CDH13: variants seen among roughly 807,000 people sequenced by gnomAD.
CDH13 encodes the protein cadherin 13, also known as cadherin-13.
A neutral mutation model predicts 63.8 loss-of-function variants in CDH13; 24 were observed. The observed-to-expected ratio is 0.38, with a 90% CI of 0.27 to 0.53. The LOEUF (loss-of-function observed/expected upper bound fraction) is 0.53. CDH13 is among the 20% of genes least tolerant of loss of function. The probability of loss-of-function intolerance (pLI) is 0.85; values close to 1 mark genes in which losing one functional copy is unlikely to be tolerated. For synonymous variants in CDH13, 503 were observed against 355.3 expected (o/e 1.42, Z -4.67); for missense variants, 1,049 against 903.1 (o/e 1.16, Z -2.07).
intron 6 of CDH13, among the ~76,000 whole-genome samples, chr16:83,376,846 C>G (rs2091468760): frequency 6.6e-6 from 1 of 152,088 alleles, no homozygotes; most frequent in African/African-American, 2.4e-5. Context: ...TTCTTTGATC[C>G]AGGCCTTAAG....
intron 6 of CDH13, among the ~76,000 whole-genome samples, chr16:83,362,525 G>A (rs2091181664): frequency 6.6e-6 from 1 of 152,206 alleles, no homozygotes; most frequent in African/African-American, 2.4e-5. Context: ...GGAGACACCA[G>A]GATGAACACT....
chr16:83,492,321 C>G (rs1014154512), intron 7 of CDH13, among the ~76,000 whole-genome samples: 41 of 152,144 alleles, frequency 2.7e-4, no homozygotes, highest in African/African-American at 5.3e-4. Context: ...ATACTTTTCT[C>G]ATTATCATCA....
At chr16:83,703,887 C>G (rs754841955) in intron 10 of CDH13, among the ~76,000 whole-genome samples, 1 of 152,176 alleles carries the variant, frequency 6.6e-6, no homozygotes, top group Non-Finnish European at 1.5e-5. Flanking sequence ...GGTACACAAC[C>G]TTTTCAGCCA....
At chr16:83,707,431 T>C (rs1296464118) in intron 10 of CDH13, among the ~76,000 whole-genome samples, 2 of 152,220 alleles carry the variant, frequency 1.3e-5, no homozygotes, top group Non-Finnish European at 2.9e-5. Flanking sequence ...TCCTGTAACC[T>C]ATCTGCTCTC....
chr16:83,316,674 A>G (rs2090111734), intron 5 of CDH13, among the ~76,000 whole-genome samples: 1 of 152,206 alleles, frequency 6.6e-6, no homozygotes, highest in South Asian at 2.1e-4. Context: ...GTCTATGCAG[A>G]GTTTAATGTT....
At chr16:83,468,452 A>T (rs1232189607) in intron 6 of CDH13, among the ~76,000 whole-genome samples, 1 of 152,204 alleles carries the variant, frequency 6.6e-6, no homozygotes, top group Non-Finnish European at 1.5e-5. Flanking sequence ...AAGCCTTCAG[A>T]ACTGTGAGAG....
At chr16:83,751,480 T>C (rs1400617655) in intron 11 of CDH13, among the ~76,000 whole-genome samples, 6 of 151,902 alleles carry the variant, frequency 3.9e-5, no homozygotes, top group Non-Finnish European at 4.4e-5. Context: ...ATACATCCTA[T>C]AGCAGCATAG....
chr16:83,015,798 C>T (rs1009569727), intron 2 of CDH13, among the ~76,000 whole-genome samples: 2 of 147,254 alleles, frequency 1.4e-5, no homozygotes, highest in Admixed American at 6.8e-5. Flanking sequence ...CATTTCCAAA[C>T]ACATGGGGCT....
chr16:82,971,824 C>G (rs1908795683), intron 2 of CDH13, among the ~76,000 whole-genome samples: 1 of 152,142 alleles, frequency 6.6e-6, no homozygotes, highest in South Asian at 2.1e-4. Flanking sequence ...TTTTCCTGAT[C>G]CTATTTGAGG....
At chr16:83,250,586 A>AG (rs1905404764) in intron 5 of CDH13, among the ~76,000 whole-genome samples, 1 of 152,160 alleles carries the variant, frequency 6.6e-6, no homozygotes, top group South Asian at 2.1e-4. Flanking sequence ...CACCCAGTCG[A>AG]GGGAACAGTT....
At chr16:83,295,679 T>C (rs1427279659) in intron 5 of CDH13, among the ~76,000 whole-genome samples, 1 of 152,188 alleles carries the variant, frequency 6.6e-6, no homozygotes, top group Non-Finnish European at 1.5e-5. Context: ...ATATAAATGT[T>C]GGCAAGGATG....
intron 3 of CDH13, among the ~76,000 whole-genome samples, chr16:83,077,509 G>C (rs1335011641): frequency 6.6e-6 from 1 of 151,952 alleles, no homozygotes; most frequent in African/African-American, 2.4e-5. Context: ...AGATTTTTTA[G>C]ATTCATTCAT....
At chr16:82,907,736 C>T (rs547182801) in intron 2 of CDH13, among the ~76,000 whole-genome samples, 3 of 152,270 alleles carry the variant, frequency 2.0e-5, no homozygotes, top group South Asian at 4.1e-4. Context: ...GAAGGAGTCT[C>T]TCTTGCCAAG....
chr16:83,734,698 A>T (rs1022452544), intron 10 of CDH13, among the ~76,000 whole-genome samples: 1 of 148,896 alleles, frequency 6.7e-6, no homozygotes, highest in African/African-American at 2.5e-5. Context: ...TAACCTGCAC[A>T]TTGTGCACAT....
chr16:82,661,996 C>T (rs7190417), intron 1 of CDH13, among the ~76,000 whole-genome samples: 1,975 of 152,322 alleles, frequency 0.013, 47 homozygotes, highest in African/African-American at 0.045. Flanking sequence ...ATTTTAAGGG[C>T]TCCTTTGTCA....
chr16:83,085,133 T>G (rs1412482678), intron 3 of CDH13, among the ~76,000 whole-genome samples: 1 of 151,938 alleles, frequency 6.6e-6, no homozygotes, highest in Non-Finnish European at 1.5e-5. Flanking sequence ...GAGGTTTAAT[T>G]GGACTTACAG....
At chr16:83,672,509 C>T (rs916866149) in intron 9 of CDH13, among the ~76,000 whole-genome samples, 12 of 145,710 alleles carry the variant, frequency 8.2e-5, no homozygotes, top group Admixed American at 3.5e-4. Flanking sequence ...ACTGCAACCT[C>T]CACCTCCTGG....
rs74675757 is a variant in CDH13, at chr16:82,642,548, G to C, written c.45+15411G>C. ...CATTAGTTAAATGTGCATATGATGAGACTTGACTATATTCATTTAAGCCAC... is the reference window on the plus strand; with the variant it reads ...CATTAGTTAAATGTGCATATGATGACACTTGACTATATTCATTTAAGCCAC... On this transcript the variant is annotated intron_variant, in intron 1 of 13. Transcript: ENST00000567109. Among the ~76,000 whole-genome samples the C allele has an allele frequency of 2.8e-3, 425 of 152,242 alleles. 5 individuals are homozygous for C. Among genetic ancestry groups the C allele is most frequent in the African/African-American group, 9.8e-3 (407 of 41,540 alleles).
At chr16:83,293,336 C>T (rs996476273) in intron 5 of CDH13, among the ~76,000 whole-genome samples, 3 of 152,228 alleles carry the variant, frequency 2.0e-5, no homozygotes, top group Non-Finnish European at 2.9e-5. Context: ...CTTCCCCATG[C>T]CTTCTGGGGT....
Sources: allele counts gnomAD v4.1 joint callset (sites outside exome capture counted in the v4.1 genomes callset), GRCh38; gene constraint gnomAD v4.1.1; transcripts MANE v1.5; gene names NCBI Gene and HGNC (gene_info 2026-07-23, HGNC 2026-07-21).